The following IMMP2L variants were observed in gnomAD, a reference collection of about 807,000 sequenced individuals.
IMMP2L encodes inner mitochondrial membrane peptidase subunit 2.
IMMP2L carries 18 observed loss-of-function variants against 19.3 expected under a neutral mutation model. The ratio of observed to expected loss-of-function variants is 0.93; its 90% CI spans 0.64 to 1.38. IMMP2L has a LOEUF of 1.38. IMMP2L is among the 40% of genes most tolerant of loss of function. The pLI is 0.00. For missense variants in IMMP2L, 233 were observed against 218.2 expected (o/e 1.07, Z -0.43); for synonymous variants, 76 against 73.0 (o/e 1.04, Z -0.21).
At position 110,807,189 on chromosome 7, in the gene IMMP2L, C is replaced by G. The variant is rs988364358; in HGVS notation, c.408+79404G>C. Among the ~76,000 whole-genome samples the G allele has an allele frequency of 1.3e-4, 20 of 152,066 alleles. No individual in the cohort carries two copies. In the East Asian group the frequency reaches 1.8e-3, roughly 13 times the overall value. ...CTTGTATGTGCTTACTCTGGTTTCT[C>G]CTCTATGCGAAGCTTTATTCTTCAA... On this transcript the variant is annotated intron_variant, in intron 5 of 5. Transcript: ENST00000405709.
At chr7:111,064,109 T>G (rs1794278326) in intron 3 of IMMP2L, among the ~76,000 whole-genome samples, 1 of 152,152 alleles carries the variant, frequency 6.6e-6, no homozygotes, top group Non-Finnish European at 1.5e-5. Flanking sequence ...AGGGGTTTAT[T>G]GGACTCACAG....
intron 3 of IMMP2L, among the ~76,000 whole-genome samples, chr7:110,994,847 A>G (rs1225904607): frequency 6.6e-6 from 1 of 152,172 alleles, no homozygotes; most frequent in Non-Finnish European, 1.5e-5. Context: ...GAAGGAGTTA[A>G]GCTTTAACAC....
intron 3 of IMMP2L, among the ~76,000 whole-genome samples, chr7:110,966,759 T>G (rs539250663): frequency 6.6e-6 from 1 of 152,166 alleles, no homozygotes; most frequent in South Asian, 2.1e-4. Flanking sequence ...AATCTATATC[T>G]ATATTTTAAT....
At chr7:111,482,741 C>T (rs1842299911) in intron 3 of IMMP2L, among the ~76,000 whole-genome samples, 1 of 152,172 alleles carries the variant, frequency 6.6e-6, no homozygotes, top group Non-Finnish European at 1.5e-5. Flanking sequence ...GACAGAGTTT[C>T]TCCTTTATTC....
intron 5 of IMMP2L, among the ~76,000 whole-genome samples, chr7:110,852,723 A>G (rs1277746675): frequency 6.6e-6 from 1 of 152,026 alleles, no homozygotes; most frequent in Non-Finnish European, 1.5e-5. Flanking sequence ...GAGGGCCTGG[A>G]TCATGTAGAA....
intron 3 of IMMP2L, among the ~76,000 whole-genome samples, chr7:111,234,904 C>T (rs1197102521): frequency 1.3e-5 from 2 of 152,032 alleles, no homozygotes; most frequent in Admixed American, 6.6e-5. Flanking sequence ...ATATATGTCA[C>T]GAAGTCCACA....
At chr7:111,092,654 G>A (rs144781760) in intron 3 of IMMP2L, among the ~76,000 whole-genome samples, 155 of 152,244 alleles carry the variant, frequency 1.0e-3, no homozygotes, top group Non-Finnish European at 1.8e-3. Flanking sequence ...TAAACTCTAT[G>A]AGCATCCATG....
At chr7:110,905,388 T>C (rs1157777233) in intron 4 of IMMP2L, among the ~76,000 whole-genome samples, 1 of 152,036 alleles carries the variant, frequency 6.6e-6, no homozygotes, top group Non-Finnish European at 1.5e-5. Flanking sequence ...AACTGTCTTA[T>C]CCCCATTAAA....
intron 4 of IMMP2L, among the ~76,000 whole-genome samples, chr7:110,944,800 G>A (rs1243654921): frequency 6.6e-6 from 1 of 151,912 alleles, no homozygotes; most frequent in Non-Finnish European, 1.5e-5. Flanking sequence ...GTATATGTAT[G>A]TGTGTACATA....
intron 3 of IMMP2L, among the ~76,000 whole-genome samples, chr7:111,105,104 A>G (rs1325603113): frequency 6.6e-6 from 1 of 151,894 alleles, no homozygotes; most frequent in Middle Eastern, 3.2e-3. Flanking sequence ...CATTGAGACA[A>G]AAATATATTC....
At chr7:110,843,709 C>A (rs1028521511) in intron 5 of IMMP2L, among the ~76,000 whole-genome samples, 9 of 152,084 alleles carry the variant, frequency 5.9e-5, no homozygotes, top group African/African-American at 2.2e-4. Context: ...ATAAAGCCAT[C>A]AATGTGACAT....
intron 1 of IMMP2L, among the ~76,000 whole-genome samples, chr7:111,558,004 T>C (rs1367961199): frequency 6.6e-6 from 1 of 151,660 alleles, no homozygotes; most frequent in East Asian, 1.9e-4. Flanking sequence ...GTCCTAACCA[T>C]TAAAAAAAAT....
chr7:111,028,281 T>G (rs1827064684), intron 3 of IMMP2L, among the ~76,000 whole-genome samples: 1 of 152,108 alleles, frequency 6.6e-6, no homozygotes, highest in Non-Finnish European at 1.5e-5. Context: ...TCATATTTTA[T>G]GAGATTAAGC....
At chr7:110,816,342 A>C (rs2131302859) in intron 5 of IMMP2L, among the ~76,000 whole-genome samples, 1 of 151,958 alleles carries the variant, frequency 6.6e-6, no homozygotes, top group African/African-American at 2.4e-5. Context: ...AGTTTGTTAT[A>C]ATTTCTGTTC....
At chr7:111,507,478 C>T (rs778933478) in intron 2 of IMMP2L, among the ~76,000 whole-genome samples, 4 of 152,076 alleles carry the variant, frequency 2.6e-5, no homozygotes, top group Non-Finnish European at 5.9e-5. Context: ...TACCATAAAA[C>T]ACAGATCATC....
intron 3 of IMMP2L, among the ~76,000 whole-genome samples, chr7:110,992,311 T>TA (rs1323427329): frequency 6.6e-6 from 1 of 152,040 alleles, no homozygotes; most frequent in African/African-American, 2.4e-5. Flanking sequence ...TTCAGTAACT[T>TA]AAATACCAAA....
intron 5 of IMMP2L, among the ~76,000 whole-genome samples, chr7:110,793,010 C>T (rs963557737): frequency 3.3e-5 from 5 of 152,062 alleles, no homozygotes; most frequent in Admixed American, 1.3e-4. Context: ...CTCACTTACA[C>T]ATGGAATCTA....
At chr7:110,904,307 T>A (rs924731239) in intron 4 of IMMP2L, among the ~76,000 whole-genome samples, 1 of 152,340 alleles carries the variant, frequency 6.6e-6, no homozygotes, top group South Asian at 2.1e-4. Flanking sequence ...TTTAGTGTCA[T>A]ATCCATGAAA....
chr7:110,861,091 G>GTA (rs1807348730), intron 5 of IMMP2L, among the ~76,000 whole-genome samples: 6 of 104,562 alleles, frequency 5.7e-5, no homozygotes, highest in Non-Finnish European at 1.2e-4. Flanking sequence ...GTGTGTGTGT[G>GTA]TGTGTGTGAG....
Sources: allele counts gnomAD v4.1 joint callset (sites outside exome capture counted in the v4.1 genomes callset), GRCh38; gene constraint gnomAD v4.1.1; transcripts MANE v1.5; gene names NCBI Gene and HGNC (gene_info 2026-07-23, HGNC 2026-07-21).